The following MGA variants were observed in gnomAD, a reference collection of about 807,000 sequenced individuals.
MGA encodes MAX dimerization protein MGA.
MGA carries 40 observed loss-of-function variants against 261.1 expected under a neutral mutation model. The ratio of observed to expected loss-of-function variants is 0.15; its 90% CI spans 0.12 to 0.20. The LOEUF (loss-of-function observed/expected upper bound fraction) is 0.20. Ranked by LOEUF, MGA falls within the 10% of genes least tolerant of loss-of-function variation. MGA has a pLI of 1.00. For missense variants in MGA, 3,397 were observed against 3,630.5 expected (o/e 0.94, Z 1.65); for synonymous variants, 1,302 against 1,290.6 (o/e 1.01, Z -0.19).
chr15:41,676,247 A>G (rs192531719), intron 2 of MGA, among the ~76,000 whole-genome samples: 63 of 152,176 alleles, frequency 4.1e-4, no homozygotes, highest in Admixed American at 1.8e-3. Context: ...CAGTGGTGCA[A>G]TCTTGGCTCA....
rs1203872021 is a variant in MGA at position 41,669,741 on chromosome 15, A to G, written c.847A>G (p.Asn283Asp). Residue 283 changes from asparagine (N) to aspartate (D), a missense_variant, in exon 2 of 24, where the codon AAT becomes GAT. Transcript: ENST00000219905. ...GAACAGCTCTGACCAAGAAGGGAAT[A>G]ATATTTCCAGTTCTTCTGGTCATCG... 1.2e-6 allele frequency: 2 copies of G among 1,613,688 alleles called. No individual in the cohort carries two copies. The highest frequency in any genetic ancestry group is 1.7e-6 in the Non-Finnish European group (2 of 1,179,796).
intron 1 of MGA, among the ~76,000 whole-genome samples, chr15:41,622,161 C>T (rs143646463): frequency 1.3e-5 from 2 of 152,010 alleles, no homozygotes; most frequent in African/African-American, 4.8e-5. Flanking sequence ...TGGCAAGCGT[C>T]GGTGAGAAGC....
At chr15:41,670,279 C>T (rs2057971631) in intron 2 of MGA, among the ~76,000 whole-genome samples, 1 of 151,978 alleles carries the variant, frequency 6.6e-6, no homozygotes, top group African/African-American at 2.4e-5. Flanking sequence ...ACATTTGAGA[C>T]TCCATCTCAA....
At chr15:41,718,556 G>T in intron 9 of MGA, 1 of 421,496 alleles carries the variant, frequency 2.4e-6, no homozygotes, top group Non-Finnish European at 4.5e-6. Flanking sequence ...CACCTTCCTG[G>T]TGTCTGGGCT....
intron 2 of MGA, among the ~76,000 whole-genome samples, chr15:41,671,069 T>C (rs1160742391): frequency 6.6e-6 from 1 of 152,178 alleles, no homozygotes; most frequent in Non-Finnish European, 1.5e-5. Context: ...GGGACTTGAG[T>C]ATCCTCAGAT....
chr15:41,651,631 TCTCTC>T (rs943754005), intron 1 of MGA, among the ~76,000 whole-genome samples: 2 of 129,262 alleles, frequency 1.5e-5, no homozygotes, highest in South Asian at 2.8e-4. Flanking sequence ...TCTCTCCTCT[TCTCTC>T]CTCTCCCCTC....
At chr15:41,752,556 T>TG (rs1393863603) in intron 17 of MGA, among the ~76,000 whole-genome samples, 1 of 147,510 alleles carries the variant, frequency 6.8e-6, no homozygotes, top group African/African-American at 2.5e-5. Flanking sequence ...AAAGTTTTTT[T>TG]TTTTTTTTTT....
At chr15:41,747,465 C>T (rs1446359740) in intron 15 of MGA, among the ~76,000 whole-genome samples, 3 of 151,822 alleles carry the variant, frequency 2.0e-5, no homozygotes, top group South Asian at 2.1e-4. Flanking sequence ...CACATTGGCT[C>T]ATACCTATAA....
chr15:41,643,524 G>A (rs1158833188), intron 1 of MGA, among the ~76,000 whole-genome samples: 1 of 152,064 alleles, frequency 6.6e-6, no homozygotes, highest in South Asian at 2.1e-4. Flanking sequence ...ACAGGGGTGA[G>A]CCACTGCGCC....
chr15:41,674,364 T>A (rs897375655), intron 2 of MGA, among the ~76,000 whole-genome samples: 1 of 149,740 alleles, frequency 6.7e-6, no homozygotes, highest in African/African-American at 2.5e-5. Context: ...CCCGACTAAT[T>A]TTTTTGTATT....
chr15:41,734,662 G>C, intron 12 of MGA, 68 bp downstream of exon 12: 1 of 1,190,074 alleles, frequency 8.4e-7, no homozygotes, highest in Non-Finnish European at 1.2e-6. Context: ...GTAATAATGG[G>C]AGAAAACCCA....
Position 41,704,896 on chromosome 15 carries a change from GTC to G in MGA, c.2189-2830_2189-2829del, listed in dbSNP as rs148398861. ...TCTCTTTTCAGCTTTATCTTTATGA[GTC>G]TTTTTTTGTAATGACATTATAACAC... is the stretch of plus-strand genomic sequence containing the variant. On this transcript the variant is annotated intron_variant, in intron 5 of 23. Coordinates refer to ENST00000219905, the MANE Select transcript of MGA (RefSeq NM_001164273.2). 5.1e-3 allele frequency among the ~76,000 whole-genome samples: 769 copies of G among 152,142 alleles called. 7 individuals are homozygous for G. The highest frequency in any genetic ancestry group is 0.025 in the East Asian group (128 of 5,178).
chr15:41,763,092 C>CTTTTTT (rs71108131), intron 22 of MGA, among the ~76,000 whole-genome samples: 80 of 63,974 alleles, frequency 1.3e-3, no homozygotes, highest in Non-Finnish European at 1.9e-3. Context: ...TTCTTTCTTC[C>CTTTTTT]TTTTTTTTTT....
intron 2 of MGA, chr15:41,684,610 T>C (rs577209226): frequency 2.4e-5 from 6 of 248,882 alleles, no homozygotes; most frequent in African/African-American, 1.3e-4. Flanking sequence ...AGCCCAGATC[T>C]AGCCTCAGAG....
At chr15:41,623,915 C>CAGG (rs2056378059) in intron 1 of MGA, among the ~76,000 whole-genome samples, 2 of 149,014 alleles carry the variant, frequency 1.3e-5, no homozygotes, top group Non-Finnish European at 1.5e-5. Flanking sequence ...ACAGGTGTCT[C>CAGG]CCACTACACC....
chr15:41,766,682 TTCC>T lies in MGA; in HGVS notation c.8605_8607del (p.Pro2869del), dbSNP rs756601773. The T allele has an allele frequency of 3.7e-6, 6 of 1,613,968 alleles. No individual in the cohort carries two copies. The South Asian group carries it at 6.6e-5, about 18-fold the overall frequency. The stretch of plus-strand genomic sequence containing the variant: ...GCTCGGCGGGCTTTTATTAGTAAGG[TTCC>T]TCCTGGAAGCAGAGCAACTTTCCAG... On this transcript the variant is annotated inframe_deletion, in exon 24 of 24. Coordinates refer to ENST00000219905, the MANE Select transcript of MGA (RefSeq NM_001164273.2).
rs754425759 is a variant in MGA, at chr15:41,743,135, A to T, written c.5175A>T (p.Ser1725=). 1.2e-6 allele frequency: 2 copies of T among 1,612,672 alleles called. No individual in the cohort carries two copies. The highest frequency in any genetic ancestry group is 1.1e-5 in the South Asian group (1 of 90,850). Reference sequence around the variant, plus strand: ...TGGGCTCTGTTCCTATTATACTCTCAGGAATTAATGGGAGTCCACCAGTGA... The same window carrying T: ...TGGGCTCTGTTCCTATTATACTCTCTGGAATTAATGGGAGTCCACCAGTGA... Residue 1725 remains serine, a synonymous_variant, in exon 15 of 24, where the codon TCA becomes TCT. Transcript: ENST00000219905.
In MGA at chr15:41,740,122, A is replaced by G. The variant is rs1486399812; in HGVS notation, c.4504A>G (p.Lys1502Glu). 1 of 1,613,998 alleles carries G rather than the reference A, an allele frequency of 6.2e-7. No individual in the cohort carries two copies. The highest frequency in any genetic ancestry group is 8.5e-7 in the Non-Finnish European group (1 of 1,179,886). The change falls in exon 14 of 24, where the codon AAA (lysine) becomes GAA (glutamate). Residue 1502 changes from lysine to glutamate, a missense_variant. Physicochemically the swap from Lys to Glu is moderately conservative, Grantham distance 56. Coordinates refer to ENST00000219905, the MANE Select transcript of MGA (RefSeq NM_001164273.2). Reference sequence around the variant, plus strand: ...CCTGTTGCCTTCAACATCCAATTCCAAAATGGCATCCTCCTCTGGCACTGC... The same window carrying G: ...CCTGTTGCCTTCAACATCCAATTCCGAAATGGCATCCTCCTCTGGCACTGC...
At chr15:41,684,512 G>C in intron 2 of MGA, 1 of 375,474 alleles carries the variant, frequency 2.7e-6, no homozygotes, top group Non-Finnish European at 5.3e-6. Flanking sequence ...AGTTTTTGTT[G>C]GAAAATAGAA....
Sources: gnomAD v4.1 joint callset for allele counts (sites outside exome capture counted in the v4.1 genomes callset) on GRCh38, gnomAD v4.1.1 for gene constraint, MANE v1.5 for transcripts, NCBI Gene and HGNC (gene_info 2026-07-23, HGNC 2026-07-21) for gene names.